Variants in DDAH1 observed in about 807,000 individuals in gnomAD.
DDAH1 encodes the protein N(G),N(G)-dimethylarginine dimethylaminohydrolase 1.
DDAH1 carries 19 observed loss-of-function variants against 28.8 expected under a neutral mutation model. The observed-to-expected ratio is 0.66, with a 90% CI of 0.46 to 0.97. The LOEUF (loss-of-function observed/expected upper bound fraction) is 0.97. Ranked by LOEUF, DDAH1 falls within the 50% of genes least tolerant of loss-of-function variation. The probability of loss-of-function intolerance (pLI) is 0.00; values close to 1 mark genes in which losing one functional copy is unlikely to be tolerated. For synonymous variants in DDAH1, 153 were observed against 154.4 expected (o/e 0.99, Z 0.07); for missense variants, 326 against 375.9 (o/e 0.87, Z 1.10).
At chr1:85,365,078 C>A (rs951535076) in intron 1 of DDAH1, among the ~76,000 whole-genome samples, 1 of 152,108 alleles carries the variant, frequency 6.6e-6, no homozygotes, top group Non-Finnish European at 1.5e-5. Context: ...CTCATATTAA[C>A]CTTATTTAAC....
intron 1 of DDAH1, among the ~76,000 whole-genome samples, chr1:85,516,712 CT>C (rs1224567240): frequency 6.7e-6 from 1 of 149,674 alleles, no homozygotes; most frequent in African/African-American, 2.5e-5. Flanking sequence ...AAGTTTGGCA[CT>C]TTTACAGATG....
chr1:85,492,866 G>A (rs1656453798), intron 2 of DDAH1, among the ~76,000 whole-genome samples: 1 of 152,008 alleles, frequency 6.6e-6, no homozygotes, highest in South Asian at 2.1e-4. Context: ...ATTATGAACT[G>A]TCTATGTCCA....
intron 1 of DDAH1, among the ~76,000 whole-genome samples, chr1:85,423,751 C>A (rs958424546): frequency 6.6e-6 from 1 of 152,028 alleles, no homozygotes; most frequent in African/African-American, 2.4e-5. Flanking sequence ...AGCTTAATTT[C>A]TTTCTTCTCA....
At chr1:85,324,602 C>T in intron 5 of DDAH1, 138 bp downstream of exon 5, 1 of 985,806 alleles carries the variant, frequency 1.0e-6, no homozygotes, top group South Asian at 2.0e-5. Context: ...TCCTTGTGCC[C>T]TAAATTGTAT....
chr1:85,358,710 A>G, intron 2 of DDAH1, 38 bp downstream of exon 2: 1 of 1,391,874 alleles, frequency 7.2e-7, no homozygotes, highest in Non-Finnish European at 9.9e-7. Flanking sequence ...CCAAGTATTA[A>G]AAATATTCTT....
upstream of DDAH1, among the ~76,000 whole-genome samples, chr1:85,469,465 G>T (rs1346608516): frequency 6.6e-6 from 1 of 152,212 alleles, no homozygotes; most frequent in Non-Finnish European, 1.5e-5. Flanking sequence ...CAATGAACAC[G>T]TTATCATAGA....
intron 4 of DDAH1, among the ~76,000 whole-genome samples, chr1:85,329,686 C>T (rs897975601): frequency 1.3e-5 from 2 of 151,976 alleles, no homozygotes; most frequent in Non-Finnish European, 2.9e-5. Context: ...TTAACAAAAC[C>T]CCAACAAAGC....
chr1:85,394,704 C>T (rs192523642), intron 1 of DDAH1, among the ~76,000 whole-genome samples: 52 of 152,220 alleles, frequency 3.4e-4, no homozygotes, highest in African/African-American at 8.9e-4. Flanking sequence ...CTTTGTTTAA[C>T]GACCAATTGA....
chr1:85,377,627 A>G (rs1441883782), intron 1 of DDAH1, among the ~76,000 whole-genome samples: 1 of 152,180 alleles, frequency 6.6e-6, no homozygotes, highest in African/African-American at 2.4e-5. Context: ...TGTAAAAATC[A>G]AAGTGATTTA....
chr1:85,565,733 T>TAAA (rs1034991991), intron 1 of DDAH1, among the ~76,000 whole-genome samples: 5 of 152,150 alleles, frequency 3.3e-5, no homozygotes, highest in Non-Finnish European at 7.3e-5. Context: ...ATGGTAAATA[T>TAAA]AAAAGACTTT....
At position 85,464,686 on chromosome 1, in the gene DDAH1, G is replaced by A; in HGVS notation, c.303+57C>T. 1 of 1,428,474 alleles carries A rather than the reference G, an allele frequency of 7.0e-7. No individual in the cohort carries two copies. The highest frequency in any genetic ancestry group is 9.1e-7 in the Non-Finnish European group (1 of 1,097,790). 88.5% of individuals were successfully genotyped at this position (1,428,474 alleles called of 1,614,324 possible). ...CGACTCCCCAGGCAACACGGCGGCC[G>A]GCGGCGGGGGAGGGCCTGGCGCGCG... On this transcript the variant is annotated intron_variant, in intron 1 of 5. Transcript: ENST00000284031. The surrounding 1 kb of genome is among the most constrained non-coding windows in gnomAD (Gnocchi z 4.4).
At chr1:85,525,736 T>A (rs1657847732) in intron 1 of DDAH1, among the ~76,000 whole-genome samples, 1 of 152,094 alleles carries the variant, frequency 6.6e-6, no homozygotes, top group African/African-American at 2.4e-5. Flanking sequence ...TTCACCAATG[T>A]GAACTAGGGG....
At chr1:85,489,425 AAG>A (rs1411501175) in intron 2 of DDAH1, among the ~76,000 whole-genome samples, 1 of 152,200 alleles carries the variant, frequency 6.6e-6, no homozygotes, top group African/African-American at 2.4e-5. Context: ...GACTCAGTAA[AAG>A]AGTAACACTG....
At chr1:85,492,259 A>G (rs977781025) in intron 2 of DDAH1, among the ~76,000 whole-genome samples, 1 of 152,232 alleles carries the variant, frequency 6.6e-6, no homozygotes, top group Non-Finnish European at 1.5e-5. Context: ...TGCTCTAAAA[A>G]TAGAAAATGT....
Position 85,492,329 on chromosome 1 carries a change from A to C in DDAH1, c.-7+3837T>G, listed in dbSNP as rs143863554. On this transcript the variant is annotated intron_variant, in intron 2 of 6. Transcript: ENST00000426972. Reference sequence around the variant, plus strand: ...GCAAAAATGGACTCAAATATTAACAAGGAAGACTTAGGTTAAGTGGAACAT... The same window carrying C: ...GCAAAAATGGACTCAAATATTAACACGGAAGACTTAGGTTAAGTGGAACAT... Among the ~76,000 whole-genome samples, 473 of 152,352 alleles carry C rather than the reference A, an allele frequency of 3.1e-3. 1 individual carries two copies. The highest frequency in any genetic ancestry group is 0.011 in the African/African-American group (448 of 41,584).
chr1:85,402,386 G>A (rs1424105226), intron 1 of DDAH1, among the ~76,000 whole-genome samples: 1 of 151,926 alleles, frequency 6.6e-6, no homozygotes, highest in Non-Finnish European at 1.5e-5. Context: ...TTCAAGCAGA[G>A]TCTTTCAACT....
intron 1 of DDAH1, among the ~76,000 whole-genome samples, chr1:85,413,894 T>C (rs1310015656): frequency 6.6e-6 from 1 of 152,228 alleles, no homozygotes; most frequent in African/African-American, 2.4e-5. Context: ...TCATATCAAA[T>C]GCAAAAACAG....
intron 2 of DDAH1, among the ~76,000 whole-genome samples, chr1:85,474,474 C>T (rs1403954): frequency 0.39 from 58,920 of 151,902 alleles, 11,499 homozygotes; most frequent in South Asian, 0.5. Flanking sequence ...TGCATGGTTT[C>T]CCATTTCCTG....
intron 1 of DDAH1, among the ~76,000 whole-genome samples, chr1:85,402,773 G>C (rs922781478): frequency 1.5e-4 from 23 of 151,974 alleles, no homozygotes; most frequent in Non-Finnish European, 4.4e-5. Flanking sequence ...GCCAGACACG[G>C]TGGTGGGCAC....
Sources: gnomAD v4.1 joint callset for allele counts (sites outside exome capture counted in the v4.1 genomes callset) on GRCh38, gnomAD v4.1.1 for gene constraint, Gnocchi (gnomAD v3.1) non-coding constraint, MANE v1.5 for transcripts, NCBI Gene and HGNC (gene_info 2026-07-23, HGNC 2026-07-21) for gene names.